Variants in CCDC68 observed in about 807,000 individuals in gnomAD.
CCDC68 encodes the protein coiled-coil domain containing 68, also known as coiled-coil domain-containing protein 68.
Under a neutral mutation model 47.1 loss-of-function variants are expected in CCDC68, and 45 were observed. That is an observed-to-expected ratio of 0.96 (90% CI 0.75 to 1.23). CCDC68 has a LOEUF of 1.23. CCDC68 is among the 50% of genes most tolerant of loss of function. The probability of loss-of-function intolerance (pLI) is 0.00; values close to 1 mark genes in which losing one functional copy is unlikely to be tolerated. For missense variants in CCDC68, 353 were observed against 373.6 expected (o/e 0.94, Z 0.45); for synonymous variants, 131 against 129.5 (o/e 1.01, Z -0.08).
rs773557221 is a variant in CCDC68 at position 54,939,730 on chromosome 18, C to T, written c.204+1267G>A. 1.2e-4 allele frequency among the ~76,000 whole-genome samples: 19 copies of T among 152,268 alleles called. No individual in the cohort carries two copies. The East Asian group carries it at 2.7e-3, about 22-fold the overall frequency. On this transcript the variant is annotated intron_variant, in intron 4 of 11. Coordinates refer to ENST00000591504, the MANE Select transcript of CCDC68 (RefSeq NM_025214.3). ...TGGACATTATTTGACAGAGGGGTCC[C>T]GCCGTGCTTCTGAAACCCTCTCCTC... is the stretch of plus-strand genomic sequence containing the variant.
At chr18:54,935,118 C>T (rs2044322389) in intron 6 of CCDC68, among the ~76,000 whole-genome samples, 170 bp from the exon 7 acceptor site, 1 of 152,144 alleles carries the variant, frequency 6.6e-6, no homozygotes, top group South Asian at 2.1e-4. Context: ...TGATAGACTA[C>T]AACAACATTA....
chr18:54,909,029 C>T (rs146121886), intron 10 of CCDC68, among the ~76,000 whole-genome samples: 1 of 152,274 alleles, frequency 6.6e-6, no homozygotes, highest in Non-Finnish European at 1.5e-5. Context: ...ATTTTTATAA[C>T]TATAAATTGA....
At chr18:54,924,892 C>T (rs1003110499) in intron 8 of CCDC68, among the ~76,000 whole-genome samples, 5 of 152,182 alleles carry the variant, frequency 3.3e-5, no homozygotes, top group Non-Finnish European at 7.3e-5. Context: ...TCTGTTCCCC[C>T]CTGTTCCAAT....
chr18:54,910,537 C>T (rs1020640560), intron 10 of CCDC68, among the ~76,000 whole-genome samples: 4 of 152,204 alleles, frequency 2.6e-5, no homozygotes, highest in African/African-American at 4.8e-5. Context: ...ACTGGCAGCC[C>T]GGCCCCCAGC....
intron 1 of CCDC68, among the ~76,000 whole-genome samples, chr18:54,947,164 G>A (rs2044542232): frequency 1.3e-5 from 2 of 152,208 alleles, no homozygotes; most frequent in African/African-American, 4.8e-5. Context: ...AGTAGATTAA[G>A]GGGATAAAAT....
At chr18:54,937,858 T>G in intron 5 of CCDC68, 99 bp downstream of exon 5, 1 of 1,000,332 alleles carries the variant, frequency 1.0e-6, no homozygotes, top group Non-Finnish European at 1.5e-6. Flanking sequence ...TGGATGTGTG[T>G]GGACATCTCT....
chr18:54,908,619 C>T (rs1377507560), intron 10 of CCDC68, among the ~76,000 whole-genome samples: 1 of 152,170 alleles, frequency 6.6e-6, no homozygotes, highest in Non-Finnish European at 1.5e-5. Context: ...ATAATAACGC[C>T]TTCTCCACAG....
At chr18:54,936,986 T>G in intron 5 of CCDC68, 28 bp from the exon 6 acceptor site, 1 of 1,613,248 alleles carries the variant, frequency 6.2e-7, no homozygotes, top group Non-Finnish European at 8.5e-7. Context: ...ATGCATGTTC[T>G]GACATTTACA....
intron 3 of CCDC68, among the ~76,000 whole-genome samples, chr18:54,941,311 T>C (rs2044433417): frequency 6.6e-6 from 1 of 152,202 alleles, no homozygotes; most frequent in South Asian, 2.1e-4. Flanking sequence ...CTCAGACAAA[T>C]CTAAAATATC....
chr18:54,941,462 C>CACTACAAAATAATTACTACCTAGTAATT (rs144558284), intron 3 of CCDC68, among the ~76,000 whole-genome samples: 1 of 151,910 alleles, frequency 6.6e-6, no homozygotes, highest in South Asian at 2.1e-4. Context: ...ACTTAGTAAT[C>CACTACAAAATAATTACTACCTAGTAATT]ACTACAAAAT....
In CCDC68 at chr18:54,928,818, C is replaced by G; in HGVS notation, c.665G>C (p.Ser222Thr). Reference protein sequence around the residue: ...LENKLLQLKSSATYGKSCQDL... With the variant: ...LENKLLQLKSTATYGKSCQDL... ...CACAAACCTTTTTCCATATGTAGCACTGGATTTGAGTTGCAGTAGCTTGTT... is the reference window on the plus strand; with the variant it reads ...CACAAACCTTTTTCCATATGTAGCAGTGGATTTGAGTTGCAGTAGCTTGTT... Residue 222 changes from serine to threonine, a missense_variant, in exon 8 of 12, where the codon AGT becomes ACT. By Grantham distance (58) the Ser-to-Thr change is moderately conservative. Coordinates refer to ENST00000591504, the MANE Select transcript of CCDC68 (RefSeq NM_025214.3). The G allele has an allele frequency of 1.2e-6, 2 of 1,611,596 alleles. No individual in the cohort carries two copies. Among genetic ancestry groups the G allele is most frequent in the Non-Finnish European group, 1.7e-6 (2 of 1,177,740 alleles).
chr18:54,928,774 T>C (rs758597079), intron 8 of CCDC68, 26 bp downstream of exon 8: 15 of 1,503,686 alleles, frequency 1.0e-5, no homozygotes, highest in Non-Finnish European at 1.4e-5. Context: ...AGGAACTGCC[T>C]TTACTTAACA....
At chr18:54,944,261 T>C (rs935295410) in intron 2 of CCDC68, among the ~76,000 whole-genome samples, 1 of 151,894 alleles carries the variant, frequency 6.6e-6, no homozygotes, top group Non-Finnish European at 1.5e-5. Flanking sequence ...GTAAGAAATA[T>C]GTAAAGTGAG....
chr18:54,905,951 C>T (rs563357636), intron 11 of CCDC68, among the ~76,000 whole-genome samples: 2 of 152,296 alleles, frequency 1.3e-5, no homozygotes, highest in African/African-American at 2.4e-5. Context: ...AGGTTGCGTG[C>T]TCCTTATGAG....
chr18:54,934,911 T>A lies in CCDC68; in HGVS notation c.509A>T (p.His170Leu), dbSNP rs769442226. The change falls in exon 7 of 12, where the codon CAT (histidine) becomes CTT (leucine). Residue 170 changes from histidine (H) to leucine (L), a missense_variant. Transcript: ENST00000591504. ...KLEKEQKLKQ[H>L]VENLNQVAEK... The stretch of plus-strand genomic sequence containing the variant: ...AGCAACTTGATTCAGATTTTCAACA[T>A]GTTGTTTCAATTTCTGTTCTTTTTC... The A allele has an allele frequency of 6.3e-7, 1 of 1,597,884 alleles. No homozygotes were observed.
Position 54,936,970 on chromosome 18 carries a change from G to T in CCDC68, c.346-12C>A. On this transcript the variant is annotated splice_polypyrimidine_tract_variant and intron_variant, in intron 5 of 11. Transcript: ENST00000591504. ...CTGGAGGCTTGCAGCTAGAAAAAAG[G>T]TCACTATGCATGTTCTGACATTTAC... is the stretch of plus-strand genomic sequence containing the variant. 3.7e-6 allele frequency: 6 copies of T among 1,614,024 alleles called. No homozygotes were observed. The highest frequency in any genetic ancestry group is 5.1e-6 in the Non-Finnish European group (6 of 1,179,964).
chr18:54,918,796 T>G (rs534292955), intron 9 of CCDC68, among the ~76,000 whole-genome samples: 1 of 152,182 alleles, frequency 6.6e-6, no homozygotes, highest in Non-Finnish European at 1.5e-5. Context: ...AAATACACAC[T>G]CCGCCATCTA....
chr18:54,912,067 A>G (rs1599027693), intron 10 of CCDC68, among the ~76,000 whole-genome samples: 1 of 152,214 alleles, frequency 6.6e-6, no homozygotes, highest in East Asian at 1.9e-4. Flanking sequence ...CATAGTTTTC[A>G]CAAAGAATAT....
chr18:54,937,840 T>G (rs980689319), intron 5 of CCDC68, 117 bp downstream of exon 5: 4 of 692,352 alleles, frequency 5.8e-6, no homozygotes, highest in Non-Finnish European at 9.0e-6. Flanking sequence ...AGCATGCAGA[T>G]GGACCTATGG....
Sources: gnomAD v4.1 joint callset for allele counts (sites outside exome capture counted in the v4.1 genomes callset) on GRCh38, gnomAD v4.1.1 for gene constraint, MANE v1.5 for transcripts, NCBI Gene and HGNC (gene_info 2026-07-23, HGNC 2026-07-21) for gene names.